FHOD3: variants seen among roughly 807,000 people sequenced by gnomAD.
FHOD3 encodes the protein FH1/FH2 domain-containing protein 3.
Under a neutral mutation model 173.0 loss-of-function variants are expected in FHOD3, and 90 were observed. That is an observed-to-expected ratio of 0.52 (90% confidence interval 0.44 to 0.62). The LOEUF (loss-of-function observed/expected upper bound fraction) is 0.62. Among genes scored for constraint, FHOD3 ranks in the 20% least tolerant of loss-of-function variants. The pLI is 0.00. For missense variants in FHOD3, 1,945 were observed against 2,034.7 expected (o/e 0.96, Z 0.85); for synonymous variants, 828 against 823.0 (o/e 1.01, Z -0.10).
intron 3 of FHOD3, among the ~76,000 whole-genome samples, chr18:36,376,993 C>T (rs995594594): frequency 5.9e-5 from 9 of 152,224 alleles, no homozygotes; most frequent in Non-Finnish European, 1.0e-4. Context: ...GATCCTGCAT[C>T]GGTACCCTCT....
chr18:36,564,923 G>T (rs1028202535), intron 5 of FHOD3, among the ~76,000 whole-genome samples: 1 of 152,174 alleles, frequency 6.6e-6, no homozygotes, highest in Non-Finnish European at 1.5e-5. Flanking sequence ...CTAAATGTCA[G>T]CAAGGGACTC....
At chr18:36,578,599 G>C (rs2058740066) in intron 6 of FHOD3, among the ~76,000 whole-genome samples, 1 of 152,142 alleles carries the variant, frequency 6.6e-6, no homozygotes, top group African/African-American at 2.4e-5. Flanking sequence ...TGCTCTGCTG[G>C]GGAGTCCATC....
chr18:36,449,788 A>G (rs991731146), intron 3 of FHOD3, among the ~76,000 whole-genome samples: 1 of 152,144 alleles, frequency 6.6e-6, no homozygotes, highest in African/African-American at 2.4e-5. Context: ...TTCCAAGTTC[A>G]TTTTGATGAT....
intron 16 of FHOD3, among the ~76,000 whole-genome samples, chr18:36,690,615 C>T (rs1283184504): frequency 3.3e-5 from 5 of 152,018 alleles, no homozygotes; most frequent in African/African-American, 1.2e-4. Context: ...GTGGCATGGC[C>T]GTCTCCGCGT....
intron 14 of FHOD3, among the ~76,000 whole-genome samples, chr18:36,665,116 G>A (rs1045890946): frequency 8.5e-5 from 13 of 152,274 alleles, no homozygotes; most frequent in African/African-American, 3.1e-4. Context: ...TATATTGCTA[G>A]ATCACTGAAT....
At chr18:36,412,821 T>G (rs2049426620) in intron 3 of FHOD3, among the ~76,000 whole-genome samples, 1 of 152,226 alleles carries the variant, frequency 6.6e-6, no homozygotes, top group Admixed American at 6.5e-5. Flanking sequence ...GAATGAATGA[T>G]AACAAGAATT....
At chr18:36,519,191 G>GGTC in intron 5 of FHOD3, among the ~76,000 whole-genome samples, 1 of 152,204 alleles carries the variant, frequency 6.6e-6, no homozygotes, top group Non-Finnish European at 1.5e-5. Context: ...CTGTACGGGT[G>GGTC]CAGAGGACCC....
chr18:36,768,553 G>A (rs2043238126), intron 27 of FHOD3, among the ~76,000 whole-genome samples: 1 of 152,100 alleles, frequency 6.6e-6, no homozygotes, highest in East Asian at 1.9e-4. Context: ...CTGTACTTGG[G>A]ACCCATGTTT....
At chr18:36,377,205 C>G (rs1480584095) in intron 3 of FHOD3, among the ~76,000 whole-genome samples, 5 of 152,196 alleles carry the variant, frequency 3.3e-5, no homozygotes, top group Non-Finnish European at 7.3e-5. Flanking sequence ...CAGACCCTTT[C>G]CAGGTTCTGC....
chr18:36,557,787 C>T (rs2057946219), intron 5 of FHOD3, among the ~76,000 whole-genome samples: 1 of 152,008 alleles, frequency 6.6e-6, no homozygotes, highest in South Asian at 2.1e-4. Flanking sequence ...GTGACTTGTA[C>T]TTATTGCATG....
chr18:36,610,949 A>T (rs953898348), intron 8 of FHOD3, among the ~76,000 whole-genome samples: 1 of 152,118 alleles, frequency 6.6e-6, no homozygotes, highest in Admixed American at 6.5e-5. Flanking sequence ...TCCCTCCTGT[A>T]TAAGATAAAG....
At chr18:36,352,362 G>C (rs1013715657) in intron 1 of FHOD3, among the ~76,000 whole-genome samples, 17 of 152,184 alleles carry the variant, frequency 1.1e-4, no homozygotes, top group Admixed American at 9.8e-4. Flanking sequence ...CATTCACAGT[G>C]TGTCACTTCC....
chr18:36,773,302 G>C (rs1370694788), intron 28 of FHOD3, among the ~76,000 whole-genome samples: 1 of 152,208 alleles, frequency 6.6e-6, no homozygotes. Flanking sequence ...AAAGGATGAA[G>C]GAGCAGTAAA....
chr18:36,444,447 G>A (rs186504780), intron 3 of FHOD3, among the ~76,000 whole-genome samples: 7 of 152,160 alleles, frequency 4.6e-5, no homozygotes, highest in Admixed American at 3.3e-4. Flanking sequence ...GCATAAGCAT[G>A]GTTTTAGAAA....
intron 16 of FHOD3, among the ~76,000 whole-genome samples, chr18:36,690,143 G>C (rs1219088349): frequency 1.3e-5 from 2 of 152,202 alleles, no homozygotes; most frequent in Non-Finnish European, 2.9e-5. Flanking sequence ...TGAACTGTGA[G>C]CTCTGTGAGG....
At chr18:36,700,286 A>G (rs1046123413) in intron 17 of FHOD3, among the ~76,000 whole-genome samples, 1 of 151,816 alleles carries the variant, frequency 6.6e-6, no homozygotes, top group African/African-American at 2.4e-5. Context: ...AGCCATCTCC[A>G]CTAAATGCCC....
chr18:36,421,970 C>T (rs2050009067), intron 3 of FHOD3, among the ~76,000 whole-genome samples: 1 of 152,164 alleles, frequency 6.6e-6, no homozygotes, highest in Non-Finnish European at 1.5e-5. Context: ...TGTATACAAA[C>T]CTTATTCTAA....
intron 3 of FHOD3, among the ~76,000 whole-genome samples, chr18:36,476,790 T>A (rs978555752): frequency 1.3e-5 from 2 of 152,174 alleles, no homozygotes; most frequent in African/African-American, 4.8e-5. Context: ...AGATCCAAAC[T>A]GGGTATAGTC....
chr18:36,722,865 C>A (rs2149820369), intron 19 of FHOD3, among the ~76,000 whole-genome samples: 1 of 152,268 alleles, frequency 6.6e-6, no homozygotes. Flanking sequence ...ACCCCCTGAC[C>A]CTTTTGATTT....
Sources: allele counts gnomAD v4.1 joint callset (sites outside exome capture counted in the v4.1 genomes callset), GRCh38; gene constraint gnomAD v4.1.1; transcripts MANE v1.5; gene names NCBI Gene and HGNC (gene_info 2026-07-23, HGNC 2026-07-21).